CLYBL: variants seen among roughly 807,000 people sequenced by gnomAD.
CLYBL encodes the protein citramalyl-CoA lyase, mitochondrial.
A neutral mutation model predicts 38.9 loss-of-function variants in CLYBL; 31 were observed. The observed-to-expected ratio is 0.80, with a 90% CI of 0.60 to 1.08. The LOEUF is 1.08. Ranked by LOEUF, CLYBL falls within the 50% of genes least tolerant of loss-of-function variation. The pLI is 0.00. For synonymous variants in CLYBL, 171 were observed against 158.6 expected, an observed-to-expected ratio of 1.08 and a Z score of -0.59; for missense variants, 434 against 411.6, an observed-to-expected ratio of 1.05 and a Z score of -0.47.
chr13:99,894,995 C>A (rs1350091407), downstream of CLYBL: 1 of 152,178 alleles, frequency 6.6e-6, no homozygotes, highest in Non-Finnish European at 1.5e-5. Flanking sequence ...CCTCCAGGGA[C>A]GGCTGGGAAA....
chr13:99,805,948 T>C (rs76638170), intron 2 of CLYBL, among the ~76,000 whole-genome samples: 1 of 152,192 alleles, frequency 6.6e-6, no homozygotes, highest in African/African-American at 2.4e-5. Context: ...TTAACAGATG[T>C]ATAGTATGCA....
chr13:99,788,754 T>C (rs2138877321), intron 2 of CLYBL, among the ~76,000 whole-genome samples: 1 of 152,360 alleles, frequency 6.6e-6, no homozygotes, highest in South Asian at 2.1e-4. Context: ...TTCTATTGAT[T>C]GGAATAGCTT....
At chr13:99,781,397 C>T (rs957854567) in intron 2 of CLYBL, among the ~76,000 whole-genome samples, 3 of 151,384 alleles carry the variant, frequency 2.0e-5, no homozygotes, top group Non-Finnish European at 2.9e-5. Context: ...GTCTCAATCT[C>T]CTGACCTCGT....
At chr13:99,637,503 G>A (rs1045137543) in intron 1 of CLYBL, among the ~76,000 whole-genome samples, 1 of 152,130 alleles carries the variant, frequency 6.6e-6, no homozygotes, top group Admixed American at 6.5e-5. Context: ...GCTCACGCCT[G>A]TAATCCTAAC....
rs554585551 is a variant in CLYBL, at chr13:99,772,838, C to T, written c.77C>T (p.Ala26Val). The T allele has an allele frequency of 1.9e-6, 3 of 1,597,980 alleles. No individual in the cohort carries two copies. Among genetic ancestry groups the T allele is most frequent in the South Asian group, 1.1e-5 (1 of 87,140 alleles). The change falls in exon 2 of 9, where the codon GCA (alanine) becomes GTA (valine). Residue 26 changes from alanine (A) to valine (V), a missense_variant. Transcript: ENST00000339105. Reference sequence around the variant, plus strand: ...GTGTCTTGCAGGAAAGCGTCTCTAGCAGCTGATATCCCCAGACTTGGATAT... The same window carrying T: ...GTGTCTTGCAGGAAAGCGTCTCTAGTAGCTGATATCCCCAGACTTGGATAT... ...AALLRLKASL[A>V]ADIPRLGYSS...
intron 2 of CLYBL, among the ~76,000 whole-genome samples, chr13:99,816,703 G>C (rs2050455483): frequency 6.6e-6 from 1 of 152,196 alleles, no homozygotes; most frequent in African/African-American, 2.4e-5. Flanking sequence ...CTATGAACCA[G>C]GAAGCAAGTC....
At chr13:99,819,416 T>TTATATA (rs71715024) in intron 2 of CLYBL, among the ~76,000 whole-genome samples, 339 of 18,232 alleles carry the variant, frequency 0.019, 14 homozygotes, top group East Asian at 0.024. Context: ...GGGAAAAAAT[T>TTATATA]TATATATATA....
chr13:99,807,332 G>A (rs959242788), intron 2 of CLYBL, among the ~76,000 whole-genome samples: 2 of 152,308 alleles, frequency 1.3e-5, no homozygotes, highest in East Asian at 3.9e-4. Flanking sequence ...CTGATTTGAC[G>A]CAGAATCCAC....
intron 2 of CLYBL, among the ~76,000 whole-genome samples, chr13:99,834,591 C>A (rs1457631641): frequency 6.6e-6 from 1 of 152,186 alleles, no homozygotes; most frequent in Non-Finnish European, 1.5e-5. Context: ...GCTATCCTGG[C>A]ATATGTAGCT....
At chr13:99,867,564 A>G (rs1413188733) in intron 6 of CLYBL, among the ~76,000 whole-genome samples, 1 of 152,158 alleles carries the variant, frequency 6.6e-6, no homozygotes, top group Non-Finnish European at 1.5e-5. Flanking sequence ...TATCTGAACT[A>G]TTAATAAACG....
chr13:99,615,322 G>A (rs1342647403), intron 1 of CLYBL, among the ~76,000 whole-genome samples: 1 of 152,258 alleles, frequency 6.6e-6, no homozygotes, highest in Non-Finnish European at 1.5e-5. Flanking sequence ...CTGTGAGGAA[G>A]CCCATAGTGC....
intron 1 of CLYBL, among the ~76,000 whole-genome samples, chr13:99,659,748 G>C (rs1482661105): frequency 1.3e-5 from 2 of 152,086 alleles, no homozygotes. Flanking sequence ...ATATTTTAAA[G>C]GTATTATATA....
chr13:99,759,172 G>A lies in CLYBL; in HGVS notation c.63-13652G>A, dbSNP rs117419420. Among the ~76,000 whole-genome samples, 242 of 152,350 alleles carry A rather than the reference G, an allele frequency of 1.6e-3. 2 individuals are homozygous for A. In the East Asian group the frequency reaches 0.04, roughly 25 times the overall value. ...CAGGTCACCCATTGGTGCTTACTAA[G>A]TGCTCACTGAATGAATGAATGCATG... On this transcript the variant is annotated intron_variant, in intron 1 of 8. Transcript: ENST00000339105.
rs1443182425 is a variant in CLYBL at position 99,793,023 on chromosome 13, G to A, written c.249+20013G>A. On this transcript the variant is annotated intron_variant, in intron 2 of 8. Coordinates refer to ENST00000339105, the MANE Select transcript of CLYBL (RefSeq NM_206808.5). ...CATTTATACTTCTTCTTGTGCACAT[G>A]TGCATACATAACACACACACACACA... Among the ~76,000 whole-genome samples, 4 of 127,138 alleles carry A rather than the reference G, an allele frequency of 3.1e-5. No homozygotes were observed. In the Admixed American group the frequency reaches 3.2e-4, roughly 10 times the overall value. The allele number at this position is 127,138 out of a possible 152,430, so 83.4% of individuals were successfully genotyped here.
At chr13:99,663,752 C>G (rs1293789784) in intron 1 of CLYBL, among the ~76,000 whole-genome samples, 1 of 152,186 alleles carries the variant, frequency 6.6e-6, no homozygotes, top group Non-Finnish European at 1.5e-5. Flanking sequence ...GGACAACCTA[C>G]AACCTGAGCT....
In CLYBL at chr13:99,800,941, C is replaced by T. The variant is rs192126659; in HGVS notation, c.249+27931C>T. On this transcript the variant is annotated intron_variant, in intron 2 of 8. Coordinates refer to ENST00000339105, the MANE Select transcript of CLYBL (RefSeq NM_206808.5). Reference sequence around the variant, plus strand: ...AAAAACGTAATTGGGTTTCTGCCCCCTTGCTTCAGAAGACCCTAACTGATA... The same window carrying T: ...AAAAACGTAATTGGGTTTCTGCCCCTTTGCTTCAGAAGACCCTAACTGATA... Among the ~76,000 whole-genome samples the T allele has an allele frequency of 7.3e-5, 11 of 151,674 alleles. No homozygotes were observed. The East Asian group carries it at 2.1e-3, about 29-fold the overall frequency.
At chr13:99,642,256 G>A (rs1443637292) in intron 1 of CLYBL, among the ~76,000 whole-genome samples, 1 of 152,206 alleles carries the variant, frequency 6.6e-6, no homozygotes, top group African/African-American at 2.4e-5. Flanking sequence ...GCTGAGGCGT[G>A]CCTCTAGTGA....
At chr13:99,860,026 C>A (rs2051561398) in intron 3 of CLYBL, among the ~76,000 whole-genome samples, 1 of 152,094 alleles carries the variant, frequency 6.6e-6, no homozygotes. Context: ...AAACTGCTCA[C>A]CTGCTGAATG....
chr13:99,861,282 C>T (rs1164010805), intron 3 of CLYBL, among the ~76,000 whole-genome samples: 1 of 150,976 alleles, frequency 6.6e-6, no homozygotes, highest in Non-Finnish European at 1.5e-5. Flanking sequence ...TTTTAAATGC[C>T]CCTATTGGCT....
Sources: allele counts gnomAD v4.1 joint callset (sites outside exome capture counted in the v4.1 genomes callset), GRCh38; gene constraint gnomAD v4.1.1; transcripts MANE v1.5; gene names NCBI Gene and HGNC (gene_info 2026-07-23, HGNC 2026-07-21).